The following WDR72 variants were observed in gnomAD, a reference collection of about 807,000 sequenced individuals.
The protein encoded by WDR72 is WD repeat domain 72.
A neutral mutation model predicts 124.2 loss-of-function variants in WDR72; 120 were observed. The observed-to-expected ratio is 0.97, with a 90% CI of 0.83 to 1.12. The LOEUF (loss-of-function observed/expected upper bound fraction) is 1.12. Ranked by LOEUF, WDR72 falls within the 50% of genes most tolerant of loss-of-function variation. The pLI, the probability that WDR72 is intolerant of heterozygous loss-of-function variation, is 0.00. For missense variants in WDR72, 1,387 were observed against 1,278.8 expected (o/e 1.08, Z -1.29); for synonymous variants, 452 against 441.7 (o/e 1.02, Z -0.29).
At chr15:53,603,289 C>T (rs553529637) in intron 17 of WDR72, among the ~76,000 whole-genome samples, 1 of 152,124 alleles carries the variant, frequency 6.6e-6, no homozygotes, top group South Asian at 2.1e-4. Flanking sequence ...ATTCAACATC[C>T]CTTCATGTTA....
In WDR72 at chr15:53,722,880, T is replaced by G. The variant is rs1177194538; in HGVS notation, c.182A>C (p.His61Pro). 1.2e-6 allele frequency: 2 copies of G among 1,614,028 alleles called. No individual in the cohort carries two copies. The highest frequency in any genetic ancestry group is 2.7e-5 in the African/African-American group (2 of 74,944). The change falls in exon 3 of 20, where the codon CAT becomes CCT. Residue 61 changes from histidine (H) to proline (P), a missense_variant. Transcript: ENST00000360509. ...KISAKELLFG[H>P]SASVTCLARA... ...TGCCAAACATGTTACCGAAGCTGAA[T>G]GACCAAATAGGAGTTCTTTCGCTGA...
At chr15:53,560,447 A>G (rs1894087732) in intron 18 of WDR72, among the ~76,000 whole-genome samples, 1 of 151,918 alleles carries the variant, frequency 6.6e-6, no homozygotes, top group Non-Finnish European at 1.5e-5. Flanking sequence ...AGAGATGTAA[A>G]GGATGAGAAT....
intron 14 of WDR72, among the ~76,000 whole-genome samples, chr15:53,623,647 T>C (rs543224601): frequency 1.3e-4 from 20 of 152,138 alleles, no homozygotes; most frequent in African/African-American, 4.6e-4. Flanking sequence ...TTGGTAGAAC[T>C]TTATTTTCTT....
In WDR72 at chr15:53,514,038, CTGGGGACTATTGTACATG is replaced by C. The variant is rs1473556540; in HGVS notation, c.*3643_*3660del. 3 of 152,174 alleles carry C rather than the reference CTGGGGACTATTGTACATG, an allele frequency of 2.0e-5. No homozygotes were observed. The highest frequency in any genetic ancestry group is 4.8e-5 in the African/African-American group (2 of 41,460). The allele number at this position is 152,174 out of a possible 1,614,324, so 9.4% of individuals were successfully genotyped here. On this transcript the variant is annotated 3_prime_UTR_variant, in exon 20 of 20. Transcript: ENST00000360509. ...TGAGCAAACTACAGTGCGAGGTGAT[CTGGGGACTATTGTACATG>C]AAGCCATGCAGCTTTGTCTGAAAGA...
At chr15:53,661,413 A>G (rs972557169) in intron 14 of WDR72, among the ~76,000 whole-genome samples, 7 of 152,066 alleles carry the variant, frequency 4.6e-5, no homozygotes, top group African/African-American at 1.2e-4. Context: ...TTAGCATCCA[A>G]TGCTCCTGGA....
chr15:53,609,110 C>A (rs1236981772), intron 17 of WDR72, among the ~76,000 whole-genome samples: 1 of 151,774 alleles, frequency 6.6e-6, no homozygotes, highest in Non-Finnish European at 1.5e-5. Context: ...ATTTCATATA[C>A]CCCATAAATA....
chr15:53,575,557 C>T (rs1333524655), intron 18 of WDR72, among the ~76,000 whole-genome samples: 2 of 152,018 alleles, frequency 1.3e-5, no homozygotes, highest in Admixed American at 6.6e-5. Flanking sequence ...AATGGTATAA[C>T]CTGAGTCTGT....
At chr15:53,744,455 T>C (rs2018593083) in intron 1 of WDR72, among the ~76,000 whole-genome samples, 1 of 152,202 alleles carries the variant, frequency 6.6e-6, no homozygotes, top group Non-Finnish European at 1.5e-5. Flanking sequence ...ACTCACAGGA[T>C]GACCTGCCAG....
chr15:53,701,708 G>A (rs1038238320), intron 12 of WDR72, among the ~76,000 whole-genome samples: 1 of 152,000 alleles, frequency 6.6e-6, no homozygotes, highest in East Asian at 1.9e-4. Flanking sequence ...ATTGCAAAAT[G>A]GAAGTTATTG....
At chr15:53,760,314 C>T (rs1249679768), upstream of WDR72, among the ~76,000 whole-genome samples, 13 of 151,156 alleles carry the variant, frequency 8.6e-5, no homozygotes, top group Non-Finnish European at 1.6e-4. Context: ...CACCTCCACC[C>T]GACTCCCCCA....
chr15:53,605,361 G>A (rs1291595262), intron 17 of WDR72, among the ~76,000 whole-genome samples: 1 of 152,200 alleles, frequency 6.6e-6, no homozygotes, highest in African/African-American at 2.4e-5. Context: ...TGGGAGGAGA[G>A]AGAGGATCAG....
At chr15:53,601,328 C>T (rs1595785775) in intron 17 of WDR72, among the ~76,000 whole-genome samples, 1 of 152,052 alleles carries the variant, frequency 6.6e-6, no homozygotes, top group Non-Finnish European at 1.5e-5. Context: ...TCATTACCAC[C>T]GGACCTGTCT....
At chr15:53,743,991 A>T (rs2018578742) in intron 1 of WDR72, among the ~76,000 whole-genome samples, 2 of 146,648 alleles carry the variant, frequency 1.4e-5, no homozygotes, top group South Asian at 2.2e-4. Context: ...AAAAAAAAAA[A>T]TTTATCAAAT....
At position 53,523,332 on chromosome 15, in the gene WDR72, GA is replaced by G. The variant is rs755170308; in HGVS notation, c.3149-11del. On this transcript the variant is annotated splice_polypyrimidine_tract_variant and intron_variant, in intron 18 of 19. Coordinates refer to ENST00000360509, the MANE Select transcript of WDR72 (RefSeq NM_182758.4). Reference sequence around the variant, plus strand: ...ACCGGGCTGACTGGAGCTATTAAAAGAGAGAGAGAGAGAGAGAGAGACAGAA... The same window carrying G: ...ACCGGGCTGACTGGAGCTATTAAAAGGAGAGAGAGAGAGAGAGAGACAGAA... 1.0e-5 allele frequency: 7 copies of G among 681,694 alleles called. No individual in the cohort carries two copies. In the South Asian group the frequency reaches 2.1e-4, roughly 21 times the overall value. The allele number at this position is 681,694 out of a possible 1,614,324, so 42.2% of individuals were successfully genotyped here.
intron 14 of WDR72, among the ~76,000 whole-genome samples, chr15:53,656,849 C>T (rs1052356737): frequency 6.6e-6 from 1 of 151,998 alleles, no homozygotes; most frequent in African/African-American, 2.4e-5. Flanking sequence ...GCATCCAAAT[C>T]CACTGGAGTG....
intron 17 of WDR72, among the ~76,000 whole-genome samples, chr15:53,608,949 G>A (rs1444129586): frequency 2.6e-5 from 4 of 151,804 alleles, no homozygotes; most frequent in Admixed American, 1.3e-4. Flanking sequence ...ACAACAGGGT[G>A]ATTATAGTCA....
chr15:53,546,825 G>A (rs1026150139), intron 18 of WDR72, among the ~76,000 whole-genome samples: 1 of 152,156 alleles, frequency 6.6e-6, no homozygotes, highest in African/African-American at 2.4e-5. Context: ...ACTATCAGTA[G>A]AGAGGAAATT....
In WDR72 at chr15:53,655,939, C is replaced by G. The variant is rs182000729; in HGVS notation, c.1962+9633G>C. 2.6e-3 allele frequency among the ~76,000 whole-genome samples: 398 copies of G among 152,344 alleles called. 2 individuals carry two copies. Among genetic ancestry groups the G allele is most frequent in the African/African-American group, 9.0e-3 (376 of 41,586 alleles). On this transcript the variant is annotated intron_variant, in intron 14 of 19. Transcript: ENST00000360509. ...AACTCCTGACCTTGTGATCCACCCA[C>G]CTCGGCCTCCCAAAGTGCTGGGATT...
intron 2 of WDR72, among the ~76,000 whole-genome samples, chr15:53,726,216 ATGTGTATATATATATATATGTATGTG>A (rs1304587722): frequency 7.6e-6 from 1 of 132,042 alleles, no homozygotes; most frequent in African/African-American, 3.4e-5. Flanking sequence ...ATATATATGT[ATGTGTATATATATATATATGTATGTG>A]TGTATATATA....
Sources: allele counts gnomAD v4.1 joint callset (sites outside exome capture counted in the v4.1 genomes callset), GRCh38; gene constraint gnomAD v4.1.1; transcripts MANE v1.5; gene names NCBI Gene and HGNC (gene_info 2026-07-23, HGNC 2026-07-21).